PLEKHA7: variants seen among roughly 807,000 people sequenced by gnomAD.
PLEKHA7 encodes pleckstrin homology domain-containing family A member 7.
PLEKHA7 carries 104 observed loss-of-function variants against 170.0 expected under a neutral mutation model. That is an observed-to-expected ratio of 0.61 (90% CI 0.52 to 0.72). The LOEUF is 0.72. Ranked by LOEUF, PLEKHA7 falls within the 30% of genes least tolerant of loss-of-function variation. PLEKHA7 has a pLI of 0.00. For missense variants in PLEKHA7, 1,615 were observed against 1,671.7 expected, an observed-to-expected ratio of 0.97 and a Z score of 0.59; for synonymous variants, 648 against 660.8, an observed-to-expected ratio of 0.98 and a Z score of 0.30.
chr11:16,850,545 T>C (rs373860545), intron 8 of PLEKHA7, among the ~76,000 whole-genome samples: 1 of 152,292 alleles, frequency 6.6e-6, no homozygotes, highest in East Asian at 1.9e-4. Context: ...TGCTTGAGCC[T>C]AAACACACCT....
rs1300458649 is a variant in PLEKHA7 at position 16,898,402 on chromosome 11, G to A, written c.222-27220C>T. Among the ~76,000 whole-genome samples the A allele has an allele frequency of 2.0e-5, 3 of 152,174 alleles. No homozygotes were observed. In the East Asian group the frequency reaches 5.8e-4, roughly 29 times the overall value. On this transcript the variant is annotated intron_variant, in intron 3 of 26. Transcript: ENST00000531066. The stretch of plus-strand genomic sequence containing the variant: ...GCCCAAGATTAGATTTGAGTGTTCA[G>A]TGGCCTTTGGAAAGGAGCAGATCTG...
At chr11:16,961,115 T>C (rs1014839866) in intron 3 of PLEKHA7, among the ~76,000 whole-genome samples, 3 of 152,284 alleles carry the variant, frequency 2.0e-5, no homozygotes, top group Middle Eastern at 3.4e-3. Context: ...TCAGCTTTTT[T>C]CCAAATCCAA....
At chr11:16,942,481 A>C (rs886558881) in intron 3 of PLEKHA7, among the ~76,000 whole-genome samples, 13 of 152,136 alleles carry the variant, frequency 8.5e-5, no homozygotes, top group African/African-American at 2.7e-4. Context: ...TTATAGAGAA[A>C]CTCAATGACT....
At chr11:16,780,578 T>C (rs891143228) in intron 26 of PLEKHA7, among the ~76,000 whole-genome samples, 1 of 152,210 alleles carries the variant, frequency 6.6e-6, no homozygotes. Flanking sequence ...GGCCAAGATC[T>C]AACTCTTCCT....
intron 7 of PLEKHA7, among the ~76,000 whole-genome samples, chr11:16,851,860 A>C (rs913909465): frequency 6.6e-6 from 1 of 152,238 alleles, no homozygotes; most frequent in African/African-American, 2.4e-5. Flanking sequence ...TGAAAGCACC[A>C]GTAGCAGTCT....
chr11:16,992,492 C>T (rs551697817), intron 3 of PLEKHA7, among the ~76,000 whole-genome samples: 26 of 152,314 alleles, frequency 1.7e-4, no homozygotes, highest in Admixed American at 7.2e-4. Context: ...CAGTGGCTCA[C>T]GCCTGTTATT....
chr11:16,816,934 G>T lies in PLEKHA7; in HGVS notation c.1732C>A (p.Pro578Thr), dbSNP rs141289260. Residue 578 changes from proline (P) to threonine (T), a missense_variant, in exon 11 of 27, where the codon CCC becomes ACC. Pro to Thr is a conservative substitution (Grantham distance 38, BLOSUM62 -1). Coordinates refer to ENST00000531066, the MANE Select transcript of PLEKHA7 (RefSeq NM_001329630.2). ...CGCCGGGGTGGGAAGACCCTTGGGG[G>T]TCCTGGGGGAGGGATGTCCGAGGGA... is the stretch of plus-strand genomic sequence containing the variant. ...PSPSDIPPPG[P>T]PRVFPPRRPH... The T allele has an allele frequency of 2.5e-6, 4 of 1,613,448 alleles. No homozygotes were observed. The highest frequency in any genetic ancestry group is 2.2e-5 in the South Asian group (2 of 91,006).
At position 16,853,745 on chromosome 11, in the gene PLEKHA7, C is replaced by T. The variant is rs112242346; in HGVS notation, c.522+1144G>A. 1.9e-3 allele frequency among the ~76,000 whole-genome samples: 293 copies of T among 152,236 alleles called. 3 individuals carry two copies. The highest frequency in any genetic ancestry group is 6.5e-3 in the African/African-American group (269 of 41,544). Reference sequence around the variant, plus strand: ...GGGCAAATGTAAGAAAAGAGAGGGACGACAGGGCTGTGAGGGGCAAGTGGG... The same window carrying T: ...GGGCAAATGTAAGAAAAGAGAGGGATGACAGGGCTGTGAGGGGCAAGTGGG... On this transcript the variant is annotated intron_variant, in intron 6 of 26. Coordinates refer to ENST00000531066, the MANE Select transcript of PLEKHA7 (RefSeq NM_001329630.2).
chr11:16,851,389 C>T, intron 7 of PLEKHA7, 98 bp from the exon 8 acceptor site: 2 of 727,128 alleles, frequency 2.8e-6, no homozygotes, highest in Non-Finnish European at 4.5e-6. Context: ...TGTTTCCTCC[C>T]CTTGTAATGT....
chr11:16,944,618 C>T (rs1295398168), intron 3 of PLEKHA7, among the ~76,000 whole-genome samples: 1 of 151,496 alleles, frequency 6.6e-6, no homozygotes, highest in African/African-American at 2.4e-5. Flanking sequence ...CCCAGGAGAC[C>T]TCATTCACTG....
intron 9 of PLEKHA7, among the ~76,000 whole-genome samples, chr11:16,838,670 T>TC (rs1281004228): frequency 6.7e-6 from 1 of 149,588 alleles, no homozygotes; most frequent in Non-Finnish European, 1.5e-5. Flanking sequence ...AATGACACAC[T>TC]CACTAGTGAA....
intron 3 of PLEKHA7, among the ~76,000 whole-genome samples, chr11:16,875,943 C>T (rs1297041161): frequency 6.6e-6 from 1 of 152,162 alleles, no homozygotes. Flanking sequence ...GGTGATTTAC[C>T]TATAACCTCA....
intron 23 of PLEKHA7, chr11:16,786,939 G>A (rs527576319): frequency 2.0e-6 from 2 of 985,422 alleles, no homozygotes; most frequent in South Asian, 9.4e-5. Context: ...TGGAGCCAAT[G>A]AGGCAGAAAA....
In PLEKHA7 at chr11:17,012,371, T is replaced by G. The variant is rs547303282; in HGVS notation, c.221+1618A>C. Among the ~76,000 whole-genome samples the G allele has an allele frequency of 2.0e-5, 3 of 152,312 alleles. No individual in the cohort carries two copies. In the South Asian group the frequency reaches 6.2e-4, roughly 32 times the overall value. On this transcript the variant is annotated intron_variant, in intron 3 of 26. Transcript: ENST00000531066. ...TTCCTGCTCCTTAAACTCCAAGCTC[T>G]TTTCTGCCTTAAGCCCTTGCCCTGG...
At chr11:16,815,594 G>A (rs1038699682) in intron 12 of PLEKHA7, among the ~76,000 whole-genome samples, 11 of 151,954 alleles carry the variant, frequency 7.2e-5, no homozygotes, top group Non-Finnish European at 1.5e-4. Context: ...GCGTGATCTC[G>A]GCTCACTGCA....
intron 16 of PLEKHA7, 131 bp from the exon 17 acceptor site, chr11:16,801,206 G>A (rs1402988076): frequency 6.5e-6 from 5 of 770,178 alleles, no homozygotes; most frequent in Non-Finnish European, 1.1e-5. Context: ...AGGCCTGGTG[G>A]GAGAGAGAGA....
At chr11:16,908,518 C>T (rs1858021163) in intron 3 of PLEKHA7, among the ~76,000 whole-genome samples, 1 of 148,926 alleles carries the variant, frequency 6.7e-6, no homozygotes, top group Admixed American at 6.7e-5. Flanking sequence ...TTTTTCAAGA[C>T]AGAGTCTTGC....
At chr11:16,856,560 G>A (rs1853469532) in intron 4 of PLEKHA7, among the ~76,000 whole-genome samples, 2 of 152,162 alleles carry the variant, frequency 1.3e-5, no homozygotes, top group South Asian at 2.1e-4. Flanking sequence ...TGGGCCCCCA[G>A]TAAGAATATC....
intron 3 of PLEKHA7, among the ~76,000 whole-genome samples, chr11:16,971,552 T>G (rs1862713503): frequency 6.6e-6 from 1 of 152,222 alleles, no homozygotes; most frequent in African/African-American, 2.4e-5. Context: ...AAGCTGTTAT[T>G]ACTACCATAA....
Sources: gnomAD v4.1 joint callset for allele counts (sites outside exome capture counted in the v4.1 genomes callset) on GRCh38, gnomAD v4.1.1 for gene constraint, MANE v1.5 for transcripts, NCBI Gene and HGNC (gene_info 2026-07-23, HGNC 2026-07-21) for gene names.